Variants in GEMIN5 observed in about 807,000 individuals in gnomAD.
GEMIN5 encodes gem-associated protein 5.
Under a neutral mutation model 176.9 loss-of-function variants are expected in GEMIN5, and 124 were observed. The ratio of observed to expected loss-of-function variants is 0.70; its 90% CI spans 0.61 to 0.81. GEMIN5 has a LOEUF of 0.81. Ranked by LOEUF, GEMIN5 falls within the 40% of genes least tolerant of loss-of-function variation. GEMIN5 has a pLI of 0.00. For synonymous variants in GEMIN5, 673 were observed against 665.2 expected (o/e 1.01, Z -0.18); for missense variants, 1,843 against 1,814.6 (o/e 1.02, Z -0.28).
intron 23 of GEMIN5, 25 bp from the exon 24 acceptor site, chr5:154,896,368 G>A: frequency 6.5e-7 from 1 of 1,542,358 alleles, no homozygotes; most frequent in Non-Finnish European, 8.7e-7. Context: ...CAAGGAAGAG[G>A]AACTGTTATA....
chr5:154,903,323 G>A, intron 18 of GEMIN5, 148 bp from the exon 19 acceptor site: 2 of 600,600 alleles, frequency 3.3e-6, no homozygotes, highest in South Asian at 2.1e-5. Context: ...CAGTTACAAA[G>A]GGAGCAAAAC....
chr5:154,911,104 C>T (rs973162478), intron 15 of GEMIN5, among the ~76,000 whole-genome samples: 9 of 152,202 alleles, frequency 5.9e-5, no homozygotes, highest in Admixed American at 5.9e-4. Flanking sequence ...TGAGTACTGC[C>T]TTCCTTTCTG....
rs1764094143 is a variant in GEMIN5, at chr5:154,928,613, AC to A, written c.827del (p.Gly276ValfsTer2). The A allele has an allele frequency of 1.2e-6, 2 of 1,613,614 alleles. No homozygotes were observed. The highest frequency in any genetic ancestry group is 2.2e-5 in the South Asian group (2 of 91,068). On this transcript the variant is annotated frameshift_variant, in exon 6 of 28. Coordinates refer to ENST00000285873, the MANE Select transcript of GEMIN5 (RefSeq NM_015465.5). LOFTEE classifies it high-confidence loss of function. ...GGCGCTCTTTAACAGTTGGGTCTAT[AC>A]CCCCTCCTCTTCTCTTCAGAAAGGG... The part of the protein sequence containing the change: ...KLPFLKRRGG[G>X]IDPTVKERLW...
intron 24 of GEMIN5, among the ~76,000 whole-genome samples, chr5:154,894,278 C>T (rs1298625002): frequency 6.6e-6 from 1 of 152,084 alleles, no homozygotes; most frequent in Non-Finnish European, 1.5e-5. Context: ...TATTTCACTG[C>T]ATAGACACAA....
Position 154,888,082 on chromosome 5 carries a change from G to T in GEMIN5, c.*128C>A. On this transcript the variant is annotated 3_prime_UTR_variant, in exon 28 of 28. Transcript: ENST00000285873. ...CAGGGTTGATTCAAACTTAATCCTT[G>T]TTTGTATTCTTTTGGATTACTGCAA... 1.2e-6 allele frequency: 1 copy of T among 864,034 alleles called. No individual in the cohort carries two copies. The highest frequency in any genetic ancestry group is 1.7e-5 in the African/African-American group (1 of 59,186). 53.5% of individuals were successfully genotyped at this position (864,034 alleles called of 1,614,324 possible).
In GEMIN5 at chr5:154,904,614, T is replaced by A; in HGVS notation, c.2525A>T (p.Lys842Met). 2 of 1,611,552 alleles carry A rather than the reference T, an allele frequency of 1.2e-6. No homozygotes were observed. The highest frequency in any genetic ancestry group is 1.7e-6 in the Non-Finnish European group (2 of 1,177,708). The change falls in exon 18 of 28, where the codon AAG becomes ATG. Residue 842 changes from lysine (K) to methionine (M), a missense_variant. Lys to Met is a moderately conservative substitution (Grantham distance 95, BLOSUM62 -1). Coordinates refer to ENST00000285873, the MANE Select transcript of GEMIN5 (RefSeq NM_015465.5). ...GGGAAGCAAGGAACGAGCTTTTCTC[T>A]TCTTGATTAAGGTTTCTGAAATTTA... ...PKEKPETLIK[K>M]RKARSLLPLS...
chr5:154,897,728 C>T (rs527579419), intron 23 of GEMIN5, among the ~76,000 whole-genome samples: 1 of 152,180 alleles, frequency 6.6e-6, no homozygotes, highest in African/African-American at 2.4e-5. Context: ...CTCAAGCGAT[C>T]TGCTGCATCT....
rs1319040970 is a variant in GEMIN5, at chr5:154,935,826, T to C, written c.509+15A>G. The C allele has an allele frequency of 1.3e-6, 2 of 1,567,070 alleles. No homozygotes were observed. The highest frequency in any genetic ancestry group is 1.7e-6 in the Non-Finnish European group (2 of 1,144,030). ...AACAAACAAAAATCATCAATACAGATGGCATAGTACTTACCCAATGGCTAC... is the reference window on the plus strand; with the variant it reads ...AACAAACAAAAATCATCAATACAGACGGCATAGTACTTACCCAATGGCTAC... On this transcript the variant is annotated intron_variant, in intron 3 of 27. Coordinates refer to ENST00000285873, the MANE Select transcript of GEMIN5 (RefSeq NM_015465.5).
chr5:154,919,529 A>G (rs1171283989), intron 11 of GEMIN5, among the ~76,000 whole-genome samples: 1 of 152,210 alleles, frequency 6.6e-6, no homozygotes, highest in Non-Finnish European at 1.5e-5. Context: ...TAGAAAATTA[A>G]AAACAAAATG....
At chr5:154,922,409 T>G (rs1561724441) in intron 9 of GEMIN5, among the ~76,000 whole-genome samples, 1 of 151,968 alleles carries the variant, frequency 6.6e-6, no homozygotes, top group Non-Finnish European at 1.5e-5. Context: ...CCTCGTGATC[T>G]GCCCGCGTCG....
At chr5:154,929,482 A>G (rs1351297733) in intron 5 of GEMIN5, among the ~76,000 whole-genome samples, 2 of 152,244 alleles carry the variant, frequency 1.3e-5, no homozygotes, top group Non-Finnish European at 2.9e-5. Context: ...TGTATTGTGC[A>G]TCGGAACCAC....
chr5:154,935,780 A>G (rs1478671198), intron 3 of GEMIN5, 61 bp downstream of exon 3: 1 of 1,225,270 alleles, frequency 8.2e-7, no homozygotes, highest in African/African-American at 1.5e-5. Flanking sequence ...GAAGGTAAAG[A>G]AAATGCAAAA....
At chr5:154,914,482 A>G (rs1441253952) in intron 13 of GEMIN5, among the ~76,000 whole-genome samples, 1 of 151,712 alleles carries the variant, frequency 6.6e-6, no homozygotes, top group South Asian at 2.1e-4. Context: ...CACAACTAGA[A>G]TATGGGTGGC....
intron 24 of GEMIN5, among the ~76,000 whole-genome samples, chr5:154,893,507 GT>G (rs1763283178): frequency 6.6e-6 from 1 of 152,058 alleles, no homozygotes; most frequent in South Asian, 2.1e-4. Context: ...TAAGTATGTA[GT>G]TTGAGAAACA....
intron 15 of GEMIN5, 143 bp from the exon 16 acceptor site, chr5:154,907,961 T>C (rs1763606434): frequency 1.1e-5 from 7 of 638,236 alleles, no homozygotes; most frequent in South Asian, 9.7e-5. Context: ...AGAATTATAT[T>C]ATCACAATAT....
chr5:154,931,520 C>T lies in GEMIN5; in HGVS notation c.719G>A (p.Cys240Tyr). 6.2e-7 allele frequency: 1 copy of T among 1,612,814 alleles called. No individual in the cohort carries two copies. The highest frequency in any genetic ancestry group is 8.5e-7 in the Non-Finnish European group (1 of 1,178,848). ...ATCTTTGCTTCCAGTGGCTAAGTAGCAACCTTTTGTTACTGGAGCTTGTGC... is the reference window on the plus strand; with the variant it reads ...ATCTTTGCTTCCAGTGGCTAAGTAGTAACCTTTTGTTACTGGAGCTTGTGC... ...AVAQAPVTKGCYLATGSKDQT... is the reference protein window; with the variant it reads ...AVAQAPVTKGYYLATGSKDQT... The change falls in exon 5 of 28, where the codon TGC (cysteine) becomes TAC (tyrosine). Residue 240 changes from cysteine (C) to tyrosine (Y), a missense_variant. By Grantham distance (194) the Cys-to-Tyr change is radical. Coordinates refer to ENST00000285873, the MANE Select transcript of GEMIN5 (RefSeq NM_015465.5).
chr5:154,937,009 C>A lies in GEMIN5; in HGVS notation c.327+16G>T. 6.3e-7 allele frequency: 1 copy of A among 1,599,216 alleles called. No individual in the cohort carries two copies. The highest frequency in any genetic ancestry group is 1.1e-5 in the South Asian group (1 of 89,876). The stretch of plus-strand genomic sequence containing the variant: ...GATAGATAAAAACGGTTTGAGAAAC[C>A]AGTAAGCCATGGTACCTGATGGAGT... On this transcript the variant is annotated intron_variant, in intron 2 of 27. Coordinates refer to ENST00000285873, the MANE Select transcript of GEMIN5 (RefSeq NM_015465.5).
intron 15 of GEMIN5, 81 bp from the exon 16 acceptor site, chr5:154,907,899 A>C: frequency 2.7e-5 from 24 of 888,318 alleles, no homozygotes; most frequent in Middle Eastern, 2.6e-4. Context: ...CCAATATCTC[A>C]TTCCTCTTTA....
intron 9 of GEMIN5, among the ~76,000 whole-genome samples, chr5:154,922,728 G>C (rs1374045781): frequency 8.4e-6 from 1 of 118,604 alleles, no homozygotes; most frequent in Non-Finnish European, 1.7e-5. Flanking sequence ...ATGGAGTCTT[G>C]CTCTGTTGCC....
Sources: gnomAD v4.1 joint callset for allele counts (sites outside exome capture counted in the v4.1 genomes callset) on GRCh38, gnomAD v4.1.1 for gene constraint, MANE v1.5 for transcripts, NCBI Gene and HGNC (gene_info 2026-07-23, HGNC 2026-07-21) for gene names.